Variants in PBRM1 observed in about 807,000 individuals in gnomAD.
PBRM1 encodes polybromo 1.
PBRM1 carries 27 observed loss-of-function variants against 194.5 expected under a neutral mutation model. That is an observed-to-expected ratio of 0.14 (90% CI 0.10 to 0.19). The LOEUF is 0.19. Among genes scored for constraint, PBRM1 ranks in the 10% least tolerant of loss-of-function variants. The pLI, the probability that PBRM1 is intolerant of heterozygous loss-of-function variation, is 1.00. For missense variants in PBRM1, 1,466 were observed against 2,077.2 expected (o/e 0.71, Z 5.72); for synonymous variants, 655 against 693.2 (o/e 0.94, Z 0.87).
chr3:52,598,640 T>C (rs1408278739), intron 17 of PBRM1, among the ~76,000 whole-genome samples: 1 of 152,170 alleles, frequency 6.6e-6, no homozygotes, highest in Admixed American at 6.6e-5. Flanking sequence ...TCCCAGCACT[T>C]TGGGAATCTC....
chr3:52,581,887 C>CA (rs1346730089), intron 20 of PBRM1, among the ~76,000 whole-genome samples: 1 of 152,142 alleles, frequency 6.6e-6, no homozygotes, highest in Admixed American at 6.5e-5. Flanking sequence ...CTGCCCGCCT[C>CA]AGCCTCCCAA....
chr3:52,554,690 G>A, intron 27 of PBRM1, 34 bp downstream of exon 29: 1 of 1,499,574 alleles, frequency 6.7e-7, no homozygotes, highest in South Asian at 1.3e-5. Flanking sequence ...ATATGAAGAT[G>A]AGATTAATGA....
chr3:52,604,816 T>C (rs2094235191), intron 16 of PBRM1, among the ~76,000 whole-genome samples: 1 of 151,920 alleles, frequency 6.6e-6, no homozygotes, highest in South Asian at 2.1e-4. Context: ...ATACAAAAAC[T>C]GATGGTGCAC....
intron 16 of PBRM1, among the ~76,000 whole-genome samples, chr3:52,605,925 T>C (rs1249171470): frequency 6.6e-6 from 1 of 150,974 alleles, no homozygotes; most frequent in African/African-American, 2.4e-5. Flanking sequence ...TAAATATCTT[T>C]TGGGGTCATA....
chr3:52,613,726 A>G (rs1011454056), intron 15 of PBRM1, among the ~76,000 whole-genome samples: 2 of 152,044 alleles, frequency 1.3e-5, no homozygotes, highest in Non-Finnish European at 2.9e-5. Context: ...ACCATGGCTC[A>G]TGCCTGTAAT....
At chr3:52,586,819 C>T in intron 19 of PBRM1, 131 bp from the exon 22 acceptor site, 2 of 660,188 alleles carry the variant, frequency 3.0e-6, no homozygotes, top group Non-Finnish European at 5.1e-6. Flanking sequence ...GACTTTCTGG[C>T]AGTTAACAAA....
At chr3:52,619,806 T>C (rs1162836203) in intron 13 of PBRM1, among the ~76,000 whole-genome samples, 1 of 152,218 alleles carries the variant, frequency 6.6e-6, no homozygotes, top group Non-Finnish European at 1.5e-5. Context: ...AATAAACATC[T>C]ATCCTTAAGA....
intron 10 of PBRM1, among the ~76,000 whole-genome samples, chr3:52,638,119 TTA>T (rs1188561691): frequency 2.6e-5 from 4 of 152,180 alleles, no homozygotes; most frequent in Admixed American, 6.5e-5. Flanking sequence ...AAGATTACTT[TTA>T]TCTTTTCTAA....
Position 52,654,533 on chromosome 3 carries a change from G to A in PBRM1, c.646-2723C>T, listed in dbSNP as rs190037270. On this transcript the variant is annotated intron_variant, in intron 5 of 29. Coordinates refer to ENST00000296302, the Ensembl canonical transcript of PBRM1. ...AGGTGAAAACTGTCCTGCCCCTTCA[G>A]CTGTCAATCCTTGTTGTCTTTCAAA... Among the ~76,000 whole-genome samples, 992 of 152,268 alleles carry A rather than the reference G, an allele frequency of 6.5e-3. 10 individuals are homozygous for A. Among genetic ancestry groups the A allele is most frequent in the Non-Finnish European group, 9.7e-3 (661 of 68,008 alleles).
At chr3:52,675,815 A>T (rs4130905) in intron 2 of PBRM1, among the ~76,000 whole-genome samples, 10,813 of 105,950 alleles carry the variant, frequency 0.1, 1,519 homozygotes, top group Admixed American at 0.15. Flanking sequence ...GGATACACAC[A>T]TATAAAGAAT....
chr3:52,685,262 G>A (rs1005864560), intron 1 of PBRM1, among the ~76,000 whole-genome samples: 1 of 152,140 alleles, frequency 6.6e-6, no homozygotes, highest in Non-Finnish European at 1.5e-5. Flanking sequence ...CGGATTCTTT[G>A]TGGTGTTGAG....
chr3:52,599,018 CAAAAAAAAAAA>C (rs59170143), intron 17 of PBRM1, among the ~76,000 whole-genome samples: 48,208 of 114,976 alleles, frequency 0.42, 9,075 homozygotes, highest in Middle Eastern at 0.55. Context: ...CCAGATATCT[CAAAAAAAAAAA>C]AAAAAAAAAA....
intron 21 of PBRM1, among the ~76,000 whole-genome samples, chr3:52,578,355 G>C (rs1158189786): frequency 1.3e-5 from 2 of 152,202 alleles, no homozygotes; most frequent in African/African-American, 4.8e-5. Context: ...TGTATCCACA[G>C]AGCCTGGTAA....
intron 10 of PBRM1, among the ~76,000 whole-genome samples, chr3:52,639,144 G>T (rs967962873): frequency 1.3e-5 from 2 of 151,804 alleles, no homozygotes; most frequent in African/African-American, 4.8e-5. Context: ...GCCACTATAT[G>T]TATTTATAGT....
chr3:52,643,403 A>C, intron 8 of PBRM1, 60 bp from the exon 10 acceptor site: 1 of 993,532 alleles, frequency 1.0e-6, no homozygotes, highest in Admixed American at 1.7e-5. Context: ...AGTGCTGGGT[A>C]AACAAACACA....
intron 13 of PBRM1, among the ~76,000 whole-genome samples, chr3:52,617,830 C>T (rs1447085299): frequency 6.6e-6 from 1 of 151,896 alleles, no homozygotes; most frequent in Non-Finnish European, 1.5e-5. Flanking sequence ...TCTCTGATAC[C>T]AAAAGAAAAT....
At chr3:52,547,861 T>A (rs1423403820), downstream of PBRM1, 1 of 470,668 alleles carries the variant, frequency 2.1e-6, no homozygotes, top group African/African-American at 2.1e-5. Context: ...AATCTTTGTG[T>A]ATTTGATAAA....
chr3:52,565,178 G>A (rs183470893), intron 22 of PBRM1, among the ~76,000 whole-genome samples: 134 of 149,702 alleles, frequency 9.0e-4, no homozygotes, highest in African/African-American at 3.1e-3. Context: ...CAGCCTGAGC[G>A]AAAGAGCGAG....
intron 17 of PBRM1, among the ~76,000 whole-genome samples, chr3:52,596,207 A>C (rs1262383085): frequency 6.6e-6 from 1 of 151,902 alleles, no homozygotes; most frequent in Non-Finnish European, 1.5e-5. Context: ...TGGGAGGCCG[A>C]GGCGGGTGGA....
Sources: allele counts gnomAD v4.1 joint callset (sites outside exome capture counted in the v4.1 genomes callset), GRCh38; gene constraint gnomAD v4.1.1; transcripts MANE v1.5; gene names NCBI Gene and HGNC (gene_info 2026-07-23, HGNC 2026-07-21).